The following ARHGEF28 variants were observed in gnomAD, a reference collection of about 807,000 sequenced individuals.
ARHGEF28 encodes the protein Rho guanine nucleotide exchange factor 28, also known as 190 kDa guanine nucleotide exchange factor.
Under a neutral mutation model 206.6 loss-of-function variants are expected in ARHGEF28, and 152 were observed. The ratio of observed to expected loss-of-function variants is 0.74; its 90% CI spans 0.64 to 0.84. The LOEUF (loss-of-function observed/expected upper bound fraction) is 0.84, where lower values mean the gene tolerates loss of function less well. ARHGEF28 is among the 40% of genes least tolerant of loss of function. The probability of loss-of-function intolerance (pLI) is 0.00; values close to 1 mark genes in which losing one functional copy is unlikely to be tolerated. For synonymous variants in ARHGEF28, 763 were observed against 776.4 expected (o/e 0.98, Z 0.29); for missense variants, 2,028 against 2,073.2 (o/e 0.98, Z 0.42).
chr5:73,651,991 C>T (rs1744864863), intron 1 of ARHGEF28, among the ~76,000 whole-genome samples: 1 of 152,174 alleles, frequency 6.6e-6, no homozygotes, highest in African/African-American at 2.4e-5. Flanking sequence ...GAAGTTACCT[C>T]ATTTTGGTTC....
Position 73,752,925 on chromosome 5 carries a change from G to A in ARHGEF28, c.198G>A (p.Glu66=). 6.2e-7 allele frequency: 1 copy of A among 1,613,916 alleles called. No homozygotes were observed. Among genetic ancestry groups the A allele is most frequent in the Non-Finnish European group, 8.5e-7 (1 of 1,179,878 alleles). The change falls in exon 4 of 36, where the codon GAG becomes GAA. Residue 66 remains glutamate, a synonymous_variant. Transcript: ENST00000513042. ...GTTGTCCAGGCCATGGGCTTCAGGA[G>A]ACGGTGACGGTATCTGTGTGCCTCT... ...QSSVPGHGLQ[E]TVTVSVCLCS...
At chr5:73,918,189 A>T (rs1350124577) in intron 35 of ARHGEF28, among the ~76,000 whole-genome samples, 1 of 152,220 alleles carries the variant, frequency 6.6e-6, no homozygotes, top group Non-Finnish European at 1.5e-5. Context: ...GCTTTTCCTT[A>T]AAGGGTCCTA....
intron 30 of ARHGEF28, chr5:73,898,682 A>T (rs575250113): frequency 6.6e-6 from 1 of 152,334 alleles, no homozygotes; most frequent in African/African-American, 2.4e-5. Flanking sequence ...GTCAGAATTC[A>T]TTTATGAAAA....
intron 31 of ARHGEF28, 111 bp from the exon 32 acceptor site, chr5:73,904,111 A>C (rs145409262): frequency 9.6e-7 from 1 of 1,037,842 alleles, no homozygotes; most frequent in Non-Finnish European, 1.5e-6. Context: ...AAGGTAATCA[A>C]GTTTAGAGAT....
chr5:73,817,845 G>A (rs1756320505), intron 9 of ARHGEF28, among the ~76,000 whole-genome samples: 2 of 152,044 alleles, frequency 1.3e-5, no homozygotes, highest in South Asian at 2.1e-4. Flanking sequence ...AGCTACCTTG[G>A]GTTCAAAAGG....
At chr5:73,914,638 C>T (rs1039139482) in intron 35 of ARHGEF28, among the ~76,000 whole-genome samples, 5 of 152,086 alleles carry the variant, frequency 3.3e-5, no homozygotes, top group African/African-American at 1.2e-4. Flanking sequence ...CTCAAGTAAT[C>T]CACTGGCCTT....
intron 22 of ARHGEF28, among the ~76,000 whole-genome samples, chr5:73,877,004 T>G (rs1425559750): frequency 7.0e-6 from 1 of 143,408 alleles, no homozygotes; most frequent in Non-Finnish European, 1.5e-5. Context: ...TGGTACCAGT[T>G]CCTCCTTGTA....
intron 29 of ARHGEF28, among the ~76,000 whole-genome samples, chr5:73,895,424 A>G (rs1248908493): frequency 2.6e-5 from 4 of 152,202 alleles, no homozygotes; most frequent in African/African-American, 9.6e-5. Flanking sequence ...CAGGGAAGGC[A>G]AACGAGTGGC....
At chr5:73,680,659 A>G (rs1157678851) in intron 1 of ARHGEF28, among the ~76,000 whole-genome samples, 2 of 152,006 alleles carry the variant, frequency 1.3e-5, no homozygotes, top group Non-Finnish European at 2.9e-5. Context: ...CCAAAAACCT[A>G]TTGAAGTAAA....
chr5:73,890,791 G>C (rs904924676), intron 26 of ARHGEF28, among the ~76,000 whole-genome samples: 2 of 152,202 alleles, frequency 1.3e-5, no homozygotes, highest in Non-Finnish European at 2.9e-5. Context: ...ACTGCAACCA[G>C]CTCTGTAAAC....
chr5:73,630,426 A>C (rs1743293326), intron 1 of ARHGEF28, among the ~76,000 whole-genome samples: 1 of 152,216 alleles, frequency 6.6e-6, no homozygotes, highest in Non-Finnish European at 1.5e-5. Context: ...TAAAATGCGG[A>C]TAATAATAGT....
chr5:73,652,757 G>A (rs1744913752), intron 1 of ARHGEF28, among the ~76,000 whole-genome samples: 1 of 152,176 alleles, frequency 6.6e-6, no homozygotes, highest in Non-Finnish European at 1.5e-5. Flanking sequence ...CTTAATCCTT[G>A]TATGTCCAGG....
chr5:73,918,615 A>T (rs578240169), intron 35 of ARHGEF28, among the ~76,000 whole-genome samples: 67 of 152,318 alleles, frequency 4.4e-4, no homozygotes, highest in African/African-American at 1.5e-3. Context: ...ACATAAATTC[A>T]GGAAGAGATA....
At position 73,909,382 on chromosome 5, in the gene ARHGEF28, C is replaced by A. The variant is rs762241095; in HGVS notation, c.4162-30C>A. 1.9e-6 allele frequency: 3 copies of A among 1,564,986 alleles called. No homozygotes were observed. The Admixed American group carries it at 5.4e-5, about 28-fold the overall frequency. On this transcript the variant is annotated intron_variant, in intron 33 of 35. Coordinates refer to ENST00000513042, the MANE Select transcript of ARHGEF28 (RefSeq NM_001177693.2). ...AACAATAACCATGGAACCTTGTGTT[C>A]AGTGATTTTTCCTCTGTCTGCTCTG...
At chr5:73,820,913 G>A (rs1756546945) in intron 9 of ARHGEF28, among the ~76,000 whole-genome samples, 1 of 152,078 alleles carries the variant, frequency 6.6e-6, no homozygotes, top group African/African-American at 2.4e-5. Context: ...TGATGGTGAG[G>A]GGTAGCCTGC....
chr5:73,693,232 C>A (rs1747957684), intron 2 of ARHGEF28, among the ~76,000 whole-genome samples: 1 of 152,180 alleles, frequency 6.6e-6, no homozygotes, highest in Non-Finnish European at 1.5e-5. Flanking sequence ...TCTGCCACAT[C>A]TCCATTTCCT....
Position 73,647,923 on chromosome 5 carries a change from C to G in ARHGEF28, c.-12+21601C>G, listed in dbSNP as rs988923011. ...ATCTGAAAGGCAAAGATTGCATCAT[C>G]TTTTCTTGAGATCTTTGCCTGTTAA... On this transcript the variant is annotated intron_variant, in intron 1 of 35. Coordinates refer to ENST00000513042, the MANE Select transcript of ARHGEF28 (RefSeq NM_001177693.2). Among the ~76,000 whole-genome samples, 3 of 152,216 alleles carry G rather than the reference C, an allele frequency of 2.0e-5. No individual in the cohort carries two copies. The South Asian group carries it at 6.2e-4, about 32-fold the overall frequency.
At chr5:73,886,125 C>A (rs2112673344) in intron 25 of ARHGEF28, 21 bp downstream of exon 25, 1 of 1,590,232 alleles carries the variant, frequency 6.3e-7, no homozygotes, top group South Asian at 1.2e-5. Context: ...TCTACCAGAC[C>A]AATTTCTCCC....
chr5:73,678,745 G>T (rs909875208), intron 1 of ARHGEF28, among the ~76,000 whole-genome samples: 8 of 151,876 alleles, frequency 5.3e-5, no homozygotes, highest in African/African-American at 1.9e-4. Context: ...GACAACTAGG[G>T]AAAAAGGCTC....
Sources: allele counts gnomAD v4.1 joint callset (sites outside exome capture counted in the v4.1 genomes callset), GRCh38; gene constraint gnomAD v4.1.1; transcripts MANE v1.5; gene names NCBI Gene and HGNC (gene_info 2026-07-23, HGNC 2026-07-21).